Variants in PCDHGB1 observed in about 807,000 individuals in gnomAD.
PCDHGB1 encodes the protein protocadherin gamma subfamily B, 1.
PCDHGB1 carries 34 observed loss-of-function variants against 56.6 expected under a neutral mutation model. The observed-to-expected ratio is 0.60, with a 90% confidence interval of 0.46 to 0.80. The LOEUF (loss-of-function observed/expected upper bound fraction) is 0.80, where lower values mean the gene tolerates loss of function less well. Among genes scored for constraint, PCDHGB1 ranks in the 30% least tolerant of loss-of-function variants. The pLI is 0.00. For missense variants in PCDHGB1, 1,278 were observed against 1,204.6 expected (o/e 1.06, Z -0.90); for synonymous variants, 561 against 505.9 (o/e 1.11, Z -1.46).
chr5:141,375,290 C>T (rs763674664), intron 1 of PCDHGB1: 14 of 1,613,672 alleles, frequency 8.7e-6, no homozygotes, highest in African/African-American at 2.7e-5. Flanking sequence ...CAATTATTAT[C>T]GATTAGTGAC....
Position 141,490,532 on chromosome 5 carries a change from C to T in PCDHGB1, c.2410-4275C>T. Reference sequence around the variant, plus strand: ...GAGCTGCTGGCCAGCGATGCTGGTTCACCTTCCCTACACAAACATCTCACC... The same window carrying T: ...GAGCTGCTGGCCAGCGATGCTGGTTTACCTTCCCTACACAAACATCTCACC... On this transcript the variant is annotated intron_variant, in intron 1 of 3. Coordinates refer to ENST00000523390, the MANE Select transcript of PCDHGB1 (RefSeq NM_018922.3). This position sits in a 1 kb window ranked among gnomAD's most constrained non-coding sequence, Gnocchi z 5.4. 6.2e-7 allele frequency: 1 copy of T among 1,614,142 alleles called. No homozygotes were observed. Among genetic ancestry groups the T allele is most frequent in the Non-Finnish European group, 8.5e-7 (1 of 1,180,030 alleles).
rs1310725827 is a variant in PCDHGB1, at chr5:141,500,934, T to C, written c.2469-4459T>C. The stretch of plus-strand genomic sequence containing the variant: ...TCCAGGCTGGGGTGCAGTGGCGCCA[T>C]CTCGGCTCACTGCAAGCTCCACCTC... On this transcript the variant is annotated intron_variant, in intron 2 of 3. Transcript: ENST00000523390. 5.9e-5 allele frequency among the ~76,000 whole-genome samples: 9 copies of C among 151,906 alleles called. 1 individual carries two copies. Among genetic ancestry groups the C allele is most frequent in the Non-Finnish European group, 1.3e-4 (9 of 68,020 alleles).
At chr5:141,494,976 G>A in intron 2 of PCDHGB1, 111 bp downstream of exon 2, 1 of 1,575,636 alleles carries the variant, frequency 6.3e-7, no homozygotes. Flanking sequence ...TTCTCCCTCA[G>A]TTTGAGATCC....
chr5:141,364,241 C>T (rs1408729947), intron 1 of PCDHGB1: 2 of 1,442,340 alleles, frequency 1.4e-6, no homozygotes, highest in Non-Finnish European at 1.8e-6. Flanking sequence ...CGCCCATTTT[C>T]GTCAGGGAAT....
rs1297105453 is a variant in PCDHGB1, at chr5:141,357,419, T to C, written c.2409+4750T>C. On this transcript the variant is annotated intron_variant, in intron 1 of 3. Transcript: ENST00000523390. ...TTGGCAGGTGTGCCTGCCTCGCACT[T>C]TGTGGGCGTGGACGGGGTTCGGGCT... 4 of 1,614,064 alleles carry C rather than the reference T, an allele frequency of 2.5e-6. No homozygotes were observed. In the Admixed American group the frequency reaches 5.0e-5, roughly 20 times the overall value.
Position 141,486,219 on chromosome 5 carries a change from A to G in PCDHGB1, c.2410-8588A>G. 1 of 1,614,134 alleles carries G rather than the reference A, an allele frequency of 6.2e-7. No individual in the cohort carries two copies. Among genetic ancestry groups the G allele is most frequent in the African/African-American group, 1.3e-5 (1 of 75,042 alleles). ...CTGGACGTAAATGACAATGCCCCTT[A>G]CATCACAGTGACCTCAGAGCTTGGA... On this transcript the variant is annotated intron_variant, in intron 1 of 3. Transcript: ENST00000523390. This position sits in a 1 kb window ranked among gnomAD's most constrained non-coding sequence, Gnocchi z 5.0.
chr5:141,509,303 G>A (rs911736752), intron 3 of PCDHGB1, among the ~76,000 whole-genome samples: 1 of 152,210 alleles, frequency 6.6e-6, no homozygotes, highest in Admixed American at 6.5e-5. Context: ...GGAGGCAGAG[G>A]GAGGCTGGGA....
In PCDHGB1 at chr5:141,352,774, G is replaced by C. The variant is rs1208246035; in HGVS notation, c.2409+105G>C. On this transcript the variant is annotated intron_variant, in intron 1 of 3. Transcript: ENST00000523390. ...CCAGGCTGAGGCAGGTGGATCACTT[G>C]AGGTCAGGAGTTTGAGACCAGCATA... The C allele has an allele frequency of 2.5e-6, 3 of 1,188,930 alleles. No individual in the cohort carries two copies. The African/African-American group carries it at 4.6e-5, about 18-fold the overall frequency. 73.6% of individuals were successfully genotyped at this position (1,188,930 alleles called of 1,614,324 possible). A position where few individuals can be genotyped will look rare whatever the true frequency, so the allele number is the denominator to read the frequency against.
chr5:141,498,919 CG>C (rs2099786825), intron 2 of PCDHGB1, among the ~76,000 whole-genome samples: 1 of 122,240 alleles, frequency 8.2e-6, no homozygotes, highest in African/African-American at 3.1e-5. Context: ...GGTGACAGAG[CG>C]AGACTCCATC....
At position 141,433,052 on chromosome 5, in the gene PCDHGB1, A is replaced by G. The variant is rs757503771; in HGVS notation, c.2410-61755A>G. The G allele has an allele frequency of 3.1e-6, 5 of 1,614,178 alleles. No individual in the cohort carries two copies. In the Admixed American group the frequency reaches 8.3e-5, roughly 27 times the overall value. ...GGTTTCCCTCACCACGGACTCGCGG[A>G]AGAGTCACCTGATCTTCCCCCAGCC... On this transcript the variant is annotated intron_variant, in intron 1 of 3. Transcript: ENST00000523390.
intron 1 of PCDHGB1, among the ~76,000 whole-genome samples, chr5:141,449,921 C>T (rs2098659300): frequency 6.6e-6 from 1 of 151,648 alleles, no homozygotes; most frequent in African/African-American, 2.4e-5. Flanking sequence ...TTAAATTCTA[C>T]CATACCTTAT....
chr5:141,427,193 C>T (rs1427995075), intron 1 of PCDHGB1: 1 of 456,496 alleles, frequency 2.2e-6, no homozygotes, highest in Admixed American at 2.4e-5. Context: ...AATCCAAAGA[C>T]TTAATAGACT....
intron 1 of PCDHGB1, chr5:141,394,897 T>C (rs773335725): frequency 3.1e-6 from 5 of 1,613,682 alleles, no homozygotes; most frequent in Non-Finnish European, 4.2e-6. Flanking sequence ...TATCTCGTGG[T>C]GGCAGTGGCT....
intron 1 of PCDHGB1, chr5:141,422,145 G>A: frequency 1.3e-6 from 2 of 1,580,726 alleles, no homozygotes; most frequent in Non-Finnish European, 8.6e-7. Context: ...AAGTACGGGG[G>A]TCTCTGGATT....
chr5:141,375,688 C>A, intron 1 of PCDHGB1: 2 of 1,614,256 alleles, frequency 1.2e-6, no homozygotes, highest in South Asian at 2.2e-5. Flanking sequence ...TGACAGCCAG[C>A]GACAGCGGGG....
chr5:141,483,121 T>C (rs922863446), intron 1 of PCDHGB1, among the ~76,000 whole-genome samples: 1 of 152,052 alleles, frequency 6.6e-6, no homozygotes, highest in Admixed American at 6.6e-5. Flanking sequence ...ACAGTCTTTG[T>C]AGGAGATGAG....
intron 1 of PCDHGB1, chr5:141,384,769 G>A (rs778610936): frequency 6.2e-7 from 1 of 1,613,914 alleles, no homozygotes; most frequent in Non-Finnish European, 8.5e-7. Context: ...GCTGTACACG[G>A]GCGAGGTGCG....
At chr5:141,362,570 A>T (rs1444834123) in intron 1 of PCDHGB1, 1 of 1,606,622 alleles carries the variant, frequency 6.2e-7, no homozygotes, top group Non-Finnish European at 8.5e-7. Flanking sequence ...AGCTTTAATT[A>T]ATTTATTTTC....
chr5:141,387,244 C>T (rs1267995802), intron 1 of PCDHGB1, among the ~76,000 whole-genome samples: 2 of 152,024 alleles, frequency 1.3e-5, no homozygotes, highest in South Asian at 2.1e-4. Context: ...CTTGGAGGTA[C>T]TTAGAAAAGT....
Sources: gnomAD v4.1 joint callset for allele counts (sites outside exome capture counted in the v4.1 genomes callset) on GRCh38, gnomAD v4.1.1 for gene constraint, Gnocchi (gnomAD v3.1) non-coding constraint, MANE v1.5 for transcripts, NCBI Gene and HGNC (gene_info 2026-07-23, HGNC 2026-07-21) for gene names.